The following PRKN variants were observed in gnomAD, a reference collection of about 807,000 sequenced individuals.
The protein encoded by PRKN is parkin RBR E3 ubiquitin protein ligase.
PRKN carries 56 observed loss-of-function variants against 59.5 expected under a neutral mutation model. The observed-to-expected ratio is 0.94, with a 90% CI of 0.76 to 1.18. The LOEUF is 1.18. Ranked by LOEUF, PRKN falls within the 50% of genes most tolerant of loss-of-function variation. PRKN has a pLI of 0.00. For missense variants in PRKN, 657 were observed against 596.4 expected (o/e 1.10, Z -1.06); for synonymous variants, 250 against 222.1 (o/e 1.13, Z -1.12).
rs555747013 is a variant in PRKN at position 161,545,139 on chromosome 6, AT to A, written c.1083+3714del. The A allele has an allele frequency of 6.2e-5, 80 of 1,284,474 alleles. No homozygotes were observed. Among genetic ancestry groups the A allele is most frequent in the East Asian group, 1.9e-4 (6 of 31,852 alleles). 79.6% of individuals were successfully genotyped at this position (1,284,474 alleles called of 1,614,324 possible). ...TTGGTTTTCAACTTTTTTATACGCG[AT>A]TTTTTTTGTAACAGCTAACATTTCT... is the stretch of plus-strand genomic sequence containing the variant. On this transcript the variant is annotated intron_variant, in intron 9 of 11. Coordinates refer to ENST00000366898, the MANE Select transcript of PRKN (RefSeq NM_004562.3). The surrounding 1 kb of genome is among the most constrained non-coding windows in gnomAD (Gnocchi z 4.1).
intron 1 of PRKN, among the ~76,000 whole-genome samples, chr6:162,482,840 T>C (rs1002627322): frequency 3.3e-5 from 5 of 152,150 alleles, no homozygotes; most frequent in African/African-American, 1.2e-4. Context: ...CCAATCTACC[T>C]TCCAACGTGG....
intron 6 of PRKN, among the ~76,000 whole-genome samples, chr6:161,860,368 G>A (rs1274786940): frequency 6.6e-6 from 1 of 152,172 alleles, no homozygotes; most frequent in African/African-American, 2.4e-5. Context: ...ATGTATGCAT[G>A]CAATTGTAGA....
intron 7 of PRKN, among the ~76,000 whole-genome samples, chr6:161,615,302 CA>C (rs1474975707): frequency 6.6e-6 from 1 of 151,960 alleles, no homozygotes; most frequent in Admixed American, 6.6e-5. Flanking sequence ...ACAATAACCC[CA>C]AAGCTATTAT....
At chr6:161,706,349 C>G (rs1429745824) in intron 7 of PRKN, among the ~76,000 whole-genome samples, 2 of 152,194 alleles carry the variant, frequency 1.3e-5, no homozygotes, top group African/African-American at 4.8e-5. Context: ...AGGAAACTGT[C>G]GCTGACTGGC....
intron 1 of PRKN, among the ~76,000 whole-genome samples, chr6:162,520,079 C>T (rs1171278704): frequency 2.0e-5 from 3 of 152,036 alleles, no homozygotes; most frequent in Non-Finnish European, 4.4e-5. Flanking sequence ...GTGAGACCCT[C>T]ATCTCTACAA....
intron 6 of PRKN, among the ~76,000 whole-genome samples, chr6:161,888,058 G>A (rs1389100751): frequency 6.6e-6 from 1 of 152,118 alleles, no homozygotes; most frequent in Non-Finnish European, 1.5e-5. Flanking sequence ...TGAACATATG[G>A]TTTAAAAATG....
chr6:162,027,919 C>T (rs1456115705), intron 5 of PRKN, among the ~76,000 whole-genome samples: 1 of 151,744 alleles, frequency 6.6e-6, no homozygotes, highest in Non-Finnish European at 1.5e-5. Context: ...ATTACATTAA[C>T]TTGGAGTGTG....
intron 7 of PRKN, among the ~76,000 whole-genome samples, chr6:161,646,941 G>C (rs568980125): frequency 2.0e-5 from 3 of 152,254 alleles, no homozygotes; most frequent in African/African-American, 7.2e-5. Flanking sequence ...ACATTTATCT[G>C]TTTCAAATTT....
At chr6:162,617,334 C>G (rs1782467019) in intron 1 of PRKN, among the ~76,000 whole-genome samples, 1 of 152,130 alleles carries the variant, frequency 6.6e-6, no homozygotes, top group Non-Finnish European at 1.5e-5. Context: ...CAGGTTCAAG[C>G]TATTCTCCCA....
chr6:161,622,811 G>A (rs1215319543), intron 7 of PRKN, among the ~76,000 whole-genome samples: 3 of 152,180 alleles, frequency 2.0e-5, no homozygotes, highest in African/African-American at 7.2e-5. Flanking sequence ...TTTTCAAGGT[G>A]ACTTATTATT....
At chr6:161,504,859 A>AT (rs1778100913) in intron 9 of PRKN, among the ~76,000 whole-genome samples, 1 of 150,656 alleles carries the variant, frequency 6.6e-6, no homozygotes, top group African/African-American at 2.4e-5. Context: ...TGAACTCATC[A>AT]TTTTTTATGG....
At chr6:161,778,815 T>C (rs1024597165) in intron 7 of PRKN, among the ~76,000 whole-genome samples, 1 of 152,220 alleles carries the variant, frequency 6.6e-6, no homozygotes, top group African/African-American at 2.4e-5. Context: ...ACAGACAGGA[T>C]CAGGCATGGA....
At chr6:162,424,464 G>T (rs577909414) in intron 2 of PRKN, among the ~76,000 whole-genome samples, 2 of 152,244 alleles carry the variant, frequency 1.3e-5, no homozygotes, top group African/African-American at 4.8e-5. Context: ...TGCCGGGCGT[G>T]GTGGCTCACG....
At chr6:161,747,183 G>A (rs1788468741) in intron 7 of PRKN, among the ~76,000 whole-genome samples, 1 of 152,086 alleles carries the variant, frequency 6.6e-6, no homozygotes, top group South Asian at 2.1e-4. Context: ...CAAGGCCCCT[G>A]TCCTATAATA....
At chr6:162,237,029 C>T (rs1778761324) in intron 3 of PRKN, among the ~76,000 whole-genome samples, 1 of 152,140 alleles carries the variant, frequency 6.6e-6, no homozygotes, top group Admixed American at 6.5e-5. Flanking sequence ...ATCCTCCTCC[C>T]ACTATTCGAA....
intron 5 of PRKN, among the ~76,000 whole-genome samples, chr6:162,040,063 G>T (rs1784003371): frequency 6.6e-6 from 1 of 152,182 alleles, no homozygotes; most frequent in Non-Finnish European, 1.5e-5. Context: ...TAAAAGCTGG[G>T]AGGTGGAATT....
At chr6:162,547,564 G>A (rs1779170064) in intron 1 of PRKN, among the ~76,000 whole-genome samples, 1 of 136,094 alleles carries the variant, frequency 7.3e-6, no homozygotes, top group African/African-American at 2.5e-5. Context: ...CGCTCCCAAT[G>A]TCACAGTTAG....
chr6:162,200,328 T>C (rs567515170), intron 4 of PRKN, among the ~76,000 whole-genome samples: 119 of 152,198 alleles, frequency 7.8e-4, no homozygotes, highest in African/African-American at 2.7e-3. Context: ...TCAGCAAACC[T>C]GTTCTCTAAA....
At chr6:162,199,846 T>C (rs1784645366) in intron 4 of PRKN, among the ~76,000 whole-genome samples, 1 of 152,106 alleles carries the variant, frequency 6.6e-6, no homozygotes. Context: ...TAGGTGGATC[T>C]TTTGAGTTCT....
Sources: allele counts gnomAD v4.1 joint callset (sites outside exome capture counted in the v4.1 genomes callset), GRCh38; gene constraint gnomAD v4.1.1; non-coding constraint Gnocchi (gnomAD v3.1); transcripts MANE v1.5; gene names NCBI Gene and HGNC (gene_info 2026-07-23, HGNC 2026-07-21).